Variants in ENOX1 observed in about 807,000 individuals in gnomAD.
The protein encoded by ENOX1 is candidate growth-related and time keeping constitutive hydroquinone (NADH) oxidase.
In ENOX1, 42 loss-of-function variants were observed where a neutral mutation model predicts 82.5. The observed-to-expected ratio is 0.51, with a 90% CI of 0.40 to 0.66. The LOEUF (loss-of-function observed/expected upper bound fraction) is 0.66. Ranked by LOEUF, ENOX1 falls within the 30% of genes least tolerant of loss-of-function variation. ENOX1 has a pLI of 0.00. For missense variants in ENOX1, 608 were observed against 811.6 expected, an observed-to-expected ratio of 0.75 and a Z score of 3.05; for synonymous variants, 271 against 282.2, an observed-to-expected ratio of 0.96 and a Z score of 0.40.
At chr13:43,691,278 C>A (rs1161525632) in intron 1 of ENOX1, among the ~76,000 whole-genome samples, 2 of 152,072 alleles carry the variant, frequency 1.3e-5, no homozygotes, top group South Asian at 2.1e-4. Flanking sequence ...TTCTCTCCCC[C>A]ACCACCCCTA....
chr13:43,447,626 C>G (rs1382054196), intron 3 of ENOX1, among the ~76,000 whole-genome samples: 2 of 152,002 alleles, frequency 1.3e-5, no homozygotes, highest in African/African-American at 4.8e-5. Flanking sequence ...AAGCAGAAAT[C>G]TGGGTCTGGC....
chr13:43,233,567 G>A (rs2042384000), intron 15 of ENOX1, among the ~76,000 whole-genome samples: 1 of 152,132 alleles, frequency 6.6e-6, no homozygotes, highest in African/African-American at 2.4e-5. Flanking sequence ...AACTAGAATT[G>A]CTCATTGTTT....
At chr13:43,417,244 G>GAGAGA (rs1555267033) in intron 3 of ENOX1, among the ~76,000 whole-genome samples, 1 of 107,070 alleles carries the variant, frequency 9.3e-6, no homozygotes, top group African/African-American at 4.4e-5. Context: ...ACGGGAGACG[G>GAGAGA]GAGAGGGAGA....
At chr13:43,573,562 A>ATTC (rs770837847) in intron 2 of ENOX1, among the ~76,000 whole-genome samples, 10 of 152,234 alleles carry the variant, frequency 6.6e-5, no homozygotes, top group Non-Finnish European at 1.3e-4. Context: ...GGCAAGAATG[A>ATTC]AGAAATGTGT....
At chr13:43,555,489 G>A (rs975747653) in intron 2 of ENOX1, among the ~76,000 whole-genome samples, 2 of 152,254 alleles carry the variant, frequency 1.3e-5, no homozygotes, top group East Asian at 1.9e-4. Flanking sequence ...AAGCATTTAC[G>A]GTCAATCAGA....
At chr13:43,381,523 G>GA (rs1168911821) in intron 5 of ENOX1, among the ~76,000 whole-genome samples, 53 of 140,262 alleles carry the variant, frequency 3.8e-4, no homozygotes, top group African/African-American at 1.2e-3. Flanking sequence ...GAAATAAGCA[G>GA]AAAAAAAAAT....
At chr13:43,527,650 G>A (rs1475822066) in intron 2 of ENOX1, among the ~76,000 whole-genome samples, 1 of 152,018 alleles carries the variant, frequency 6.6e-6, no homozygotes, top group African/African-American at 2.4e-5. Context: ...TTCTGTCATT[G>A]AATTTAGCCT....
intron 8 of ENOX1, among the ~76,000 whole-genome samples, chr13:43,348,197 C>T (rs1321339341): frequency 6.6e-6 from 1 of 152,206 alleles, no homozygotes; most frequent in African/African-American, 2.4e-5. Flanking sequence ...GAAATCTCTT[C>T]TGCAACTCTA....
At chr13:43,756,317 C>T (rs1010822911) in intron 1 of ENOX1, among the ~76,000 whole-genome samples, 2 of 151,954 alleles carry the variant, frequency 1.3e-5, no homozygotes, top group African/African-American at 4.8e-5. Flanking sequence ...GTTCCAGCTA[C>T]TCCTCAGGAG....
At chr13:43,518,114 TCCCCAAAACAAAA>T (rs1456005977) in intron 2 of ENOX1, among the ~76,000 whole-genome samples, 5 of 151,994 alleles carry the variant, frequency 3.3e-5, no homozygotes, top group Non-Finnish European at 5.9e-5. Flanking sequence ...AGAAACAGCA[TCCCCAAAACAAAA>T]CCAATCTAAG....
At chr13:43,502,658 G>A (rs1236371619) in intron 2 of ENOX1, among the ~76,000 whole-genome samples, 6 of 151,254 alleles carry the variant, frequency 4.0e-5, no homozygotes, top group African/African-American at 2.4e-5. Context: ...AATTAAACAC[G>A]CTTTCATAAT....
At chr13:43,616,189 T>TAG (rs2082455577) in intron 2 of ENOX1, among the ~76,000 whole-genome samples, 2 of 12,530 alleles carry the variant, frequency 1.6e-4, no homozygotes, top group South Asian at 0.013. Flanking sequence ...TATCTATCTA[T>TAG]ATATATATAT....
At chr13:43,768,380 T>C (rs922907464) in intron 1 of ENOX1, among the ~76,000 whole-genome samples, 2 of 152,154 alleles carry the variant, frequency 1.3e-5, no homozygotes, top group African/African-American at 4.8e-5. Flanking sequence ...GTCAGGAGGA[T>C]CACTTGAGGC....
chr13:43,471,454 C>G (rs897978838), intron 3 of ENOX1, among the ~76,000 whole-genome samples: 5 of 152,066 alleles, frequency 3.3e-5, no homozygotes, highest in Non-Finnish European at 7.4e-5. Flanking sequence ...AATTTAAATT[C>G]TGGTAATAAT....
At chr13:43,400,515 T>C (rs1305771501) in intron 5 of ENOX1, among the ~76,000 whole-genome samples, 1 of 152,212 alleles carries the variant, frequency 6.6e-6, no homozygotes, top group African/African-American at 2.4e-5. Context: ...GCAATGTATA[T>C]ATTCTCTCCC....
chr13:43,473,487 T>G (rs2058155072), intron 3 of ENOX1, among the ~76,000 whole-genome samples: 1 of 152,202 alleles, frequency 6.6e-6, no homozygotes, highest in East Asian at 1.9e-4. Context: ...AAATTTTATC[T>G]TGAAAATGTT....
At chr13:43,528,758 T>C (rs941041930) in intron 2 of ENOX1, among the ~76,000 whole-genome samples, 1 of 152,068 alleles carries the variant, frequency 6.6e-6, no homozygotes, top group Non-Finnish European at 1.5e-5. Context: ...TGTGCTTCAC[T>C]GTATTACAGA....
rs1593951070 is a variant in ENOX1, at chr13:43,326,410, A to G, written c.1143+9T>C. 1 of 1,611,914 alleles carries G rather than the reference A, an allele frequency of 6.2e-7. No homozygotes were observed. Among genetic ancestry groups the G allele is most frequent in the South Asian group, 1.1e-5 (1 of 91,026 alleles). The stretch of plus-strand genomic sequence containing the variant: ...ATGGTGGTTAAAAAGTAATAATAAA[A>G]TCACCAACCTCAGAATGCTTTCGCC... On this transcript the variant is annotated intron_variant, in intron 10 of 16. Transcript: ENST00000690772.
At chr13:43,283,691 TC>T (rs1448427078) in intron 12 of ENOX1, among the ~76,000 whole-genome samples, 3 of 151,684 alleles carry the variant, frequency 2.0e-5, no homozygotes, top group African/African-American at 7.3e-5. Flanking sequence ...CTCAAGCATA[TC>T]CTCCCGCCTT....
Sources: gnomAD v4.1 joint callset for allele counts (sites outside exome capture counted in the v4.1 genomes callset) on GRCh38, gnomAD v4.1.1 for gene constraint, MANE v1.5 for transcripts, NCBI Gene and HGNC (gene_info 2026-07-23, HGNC 2026-07-21) for gene names.